The following CDC40 variants were observed in gnomAD, a reference collection of about 807,000 sequenced individuals.
The protein encoded by CDC40 is cell division cycle 40, also known as pre-mRNA-processing factor 17.
Under a neutral mutation model 80.6 loss-of-function variants are expected in CDC40, and 27 were observed. The ratio of observed to expected loss-of-function variants is 0.33; its 90% CI spans 0.25 to 0.46. The LOEUF (loss-of-function observed/expected upper bound fraction) is 0.46, where lower values mean the gene tolerates loss of function less well. Among genes scored for constraint, CDC40 ranks in the 20% least tolerant of loss-of-function variants. CDC40 has a pLI of 1.00. For synonymous variants in CDC40, 221 were observed against 232.6 expected, an observed-to-expected ratio of 0.95 and a Z score of 0.45; for missense variants, 486 against 694.1, an observed-to-expected ratio of 0.70 and a Z score of 3.37.
chr6:110,222,440 C>A (rs1188835580), intron 12 of CDC40, among the ~76,000 whole-genome samples: 2 of 151,974 alleles, frequency 1.3e-5, no homozygotes, highest in Non-Finnish European at 2.9e-5. Flanking sequence ...GCGTGTAATC[C>A]CAGCTACTTG....
At chr6:110,200,733 C>G (rs1777484116) in intron 2 of CDC40, among the ~76,000 whole-genome samples, 1 of 152,078 alleles carries the variant, frequency 6.6e-6, no homozygotes, top group Non-Finnish European at 1.5e-5. Flanking sequence ...GATCCTAGGG[C>G]AGGTAAAATA....
chr6:110,224,330 T>A (rs1011515078), intron 12 of CDC40: 1 of 152,218 alleles, frequency 6.6e-6, no homozygotes, highest in Non-Finnish European at 1.5e-5. Context: ...TATGAGTTAC[T>A]AGCTTATTAT....
chr6:110,190,833 C>T (rs182893314), intron 1 of CDC40, among the ~76,000 whole-genome samples: 1 of 152,206 alleles, frequency 6.6e-6, no homozygotes, highest in Non-Finnish European at 1.5e-5. Context: ...AACTAAGACC[C>T]CAACTCCCCA....
intron 6 of CDC40, chr6:110,211,860 G>T: frequency 3.6e-6 from 1 of 276,992 alleles, no homozygotes; most frequent in Non-Finnish European, 6.8e-6. Flanking sequence ...ACTAAGATGT[G>T]TAAGTGATGA....
At chr6:110,186,231 T>G (rs1258346181) in intron 1 of CDC40, among the ~76,000 whole-genome samples, 2 of 152,124 alleles carry the variant, frequency 1.3e-5, no homozygotes, top group African/African-American at 4.8e-5. Flanking sequence ...TGCTTTCAGT[T>G]TTAGTTTGTC....
rs979182048 is a variant in CDC40 at position 110,231,669 on chromosome 6, T to C, written c.*1538T>C. 1 of 152,158 alleles carries C rather than the reference T, an allele frequency of 6.6e-6. No homozygotes were observed. The highest frequency in any genetic ancestry group is 1.5e-5 in the Non-Finnish European group (1 of 68,034). The allele number at this position is 152,158 out of a possible 1,614,324, so 9.4% of individuals were successfully genotyped here. Reference sequence around the variant, plus strand: ...GTTGATAGCAGCTTGGAGTGCTAACTGGAAGATCAAAATCATGTCTCTTGC... The same window carrying C: ...GTTGATAGCAGCTTGGAGTGCTAACCGGAAGATCAAAATCATGTCTCTTGC... On this transcript the variant is annotated 3_prime_UTR_variant, in exon 15 of 15. Transcript: ENST00000307731.
chr6:110,213,138 G>C lies in CDC40; in HGVS notation c.920G>C (p.Cys307Ser). ...CTCTCTGGCCATTTATTGCTGTCTT[G>C]TTCCATGGACTGTAAAATTAAGGTG... ...FPLSGHLLLS[C>S]SMDCKIKLWE... Residue 307 changes from cysteine (C) to serine (S), a missense_variant, in exon 8 of 15, where the codon TGT becomes TCT. Physicochemically the swap from Cys to Ser is moderately radical, Grantham distance 112 (BLOSUM62 -1). Around this residue, in one of 3 missense-constraint regions of CDC40, gnomAD observed 381 missense variants for 492.1 expected, o/e 0.77. Transcript: ENST00000307731. 1 of 1,609,944 alleles carries C rather than the reference G, an allele frequency of 6.2e-7. No homozygotes were observed. Among genetic ancestry groups the C allele is most frequent in the Non-Finnish European group, 8.5e-7 (1 of 1,176,198 alleles).
At chr6:110,195,542 C>T (rs753357606) in intron 2 of CDC40, among the ~76,000 whole-genome samples, 4 of 151,872 alleles carry the variant, frequency 2.6e-5, no homozygotes, top group East Asian at 1.9e-4. Context: ...TTAGTTTTTT[C>T]GTAGGTAAAA....
rs766970728 is a variant in CDC40 at position 110,215,341 on chromosome 6, C to G, written c.988+10C>G. On this transcript the variant is annotated intron_variant, in intron 9 of 14. Transcript: ENST00000307731. ...CTGAGAACATTTATTGGTAATGCTT[C>G]TTTTCTCTCCAACATAAATCTGGGA... 6.2e-7 allele frequency: 1 copy of G among 1,607,172 alleles called. No homozygotes were observed. The highest frequency in any genetic ancestry group is 8.5e-7 in the Non-Finnish European group (1 of 1,173,778).
intron 1 of CDC40, among the ~76,000 whole-genome samples, chr6:110,184,565 A>T (rs1158645519): frequency 6.6e-6 from 1 of 150,784 alleles, no homozygotes; most frequent in Non-Finnish European, 1.5e-5. Context: ...TTACATAGCC[A>T]TATCAGCTGC....
At chr6:110,227,293 C>CT (rs1458037207) in intron 13 of CDC40, among the ~76,000 whole-genome samples, 1 of 152,100 alleles carries the variant, frequency 6.6e-6, no homozygotes, top group Non-Finnish European at 1.5e-5. Context: ...GTCATTGAAA[C>CT]CACTGTCAAT....
At chr6:110,197,521 T>C (rs1318536445) in intron 2 of CDC40, among the ~76,000 whole-genome samples, 3 of 152,180 alleles carry the variant, frequency 2.0e-5, no homozygotes, top group African/African-American at 7.2e-5. Flanking sequence ...ATAGATCTTT[T>C]GAACTTATTC....
chr6:110,197,502 T>C (rs2114654410), intron 2 of CDC40, among the ~76,000 whole-genome samples: 1 of 152,328 alleles, frequency 6.6e-6, no homozygotes, highest in East Asian at 1.9e-4. Context: ...GTAGTCACCA[T>C]GTTGTACAAT....
chr6:110,228,680 C>T, intron 13 of CDC40, 152 bp from the exon 14 acceptor site: 1 of 547,998 alleles, frequency 1.8e-6, no homozygotes, highest in East Asian at 3.4e-5. Flanking sequence ...ATATTTATAA[C>T]ATTTTACAGG....
chr6:110,209,694 A>C (rs1336569707), intron 5 of CDC40, among the ~76,000 whole-genome samples: 1 of 152,030 alleles, frequency 6.6e-6, no homozygotes, highest in East Asian at 1.9e-4. Flanking sequence ...TCCCTTCCTC[A>C]CCTCCTAATC....
chr6:110,180,804 G>T (rs1457799957), intron 1 of CDC40, among the ~76,000 whole-genome samples, 171 bp downstream of exon 1: 3 of 152,232 alleles, frequency 2.0e-5, no homozygotes, highest in Non-Finnish European at 4.4e-5. Context: ...AGAATTGGAA[G>T]TTCGGAATAG....
In CDC40 at chr6:110,180,591, T is replaced by G; in HGVS notation, c.147T>G (p.Ser49=). Residue 49 remains serine (S), a synonymous_variant, in exon 1 of 15, where the codon TCT becomes TCG. Transcript: ENST00000307731. Reference sequence around the variant, plus strand: ...CTAAATCGCCTTCATCAAAGCCGTCTCTAGCAGTGGCAGTGGACTCGGCTC... The same window carrying G: ...CTAAATCGCCTTCATCAAAGCCGTCGCTAGCAGTGGCAGTGGACTCGGCTC... ...HLTKSPSSKP[S]LAVAVDSAPE... 6.2e-7 allele frequency: 1 copy of G among 1,614,206 alleles called. No homozygotes were observed. The highest frequency in any genetic ancestry group is 8.5e-7 in the Non-Finnish European group (1 of 1,180,016).
intron 2 of CDC40, among the ~76,000 whole-genome samples, chr6:110,195,091 C>G (rs1363929193): frequency 1.3e-5 from 2 of 152,112 alleles, no homozygotes; most frequent in Non-Finnish European, 2.9e-5. Context: ...TATAATTGTT[C>G]CTGGTTGCCA....
intron 12 of CDC40, among the ~76,000 whole-genome samples, chr6:110,220,359 G>A (rs1442592405): frequency 6.6e-6 from 1 of 151,868 alleles, no homozygotes; most frequent in African/African-American, 2.4e-5. Flanking sequence ...CCCAAGACTG[G>A]GCAATTTACA....
Sources: gnomAD v4.1 joint callset for allele counts (sites outside exome capture counted in the v4.1 genomes callset) on GRCh38, gnomAD v4.1.1 for gene constraint, gnomAD v4.1.1 regional missense constraint, MANE v1.5 for transcripts, NCBI Gene and HGNC (gene_info 2026-07-23, HGNC 2026-07-21) for gene names.